CCSER1: variants seen among roughly 807,000 people sequenced by gnomAD.
CCSER1 encodes the protein coiled-coil serine rich protein 1, also known as serine-rich coiled-coil domain-containing protein 1.
A neutral mutation model predicts 82.0 loss-of-function variants in CCSER1; 41 were observed. That is an observed-to-expected ratio of 0.50 (90% CI 0.39 to 0.65). The LOEUF (loss-of-function observed/expected upper bound fraction) is 0.65, where lower values mean the gene tolerates loss of function less well. Ranked by LOEUF, CCSER1 falls within the 30% of genes least tolerant of loss-of-function variation. CCSER1 has a pLI of 0.00. For missense variants in CCSER1, 1,119 were observed against 1,064.2 expected (o/e 1.05, Z -0.72); for synonymous variants, 414 against 383.9 (o/e 1.08, Z -0.92).
At chr4:90,806,847 C>T (rs73833872) in intron 7 of CCSER1, among the ~76,000 whole-genome samples, 2,122 of 151,114 alleles carry the variant, frequency 0.014, 51 homozygotes, top group African/African-American at 0.049. Context: ...CTGTCCCCTA[C>T]TCAATCCTGA....
intron 6 of CCSER1, among the ~76,000 whole-genome samples, chr4:90,671,608 C>T (rs976844438): frequency 4.6e-5 from 7 of 151,976 alleles, no homozygotes; most frequent in African/African-American, 1.7e-4. Context: ...AGTCTTGAAC[C>T]TTTCAAAGTC....
In CCSER1 at chr4:90,616,683, TCACACACACACACA is replaced by T. The variant is rs56988615; in HGVS notation, c.1725-11299_1725-11286del. Among the ~76,000 whole-genome samples the T allele has an allele frequency of 6.0e-3, 720 of 120,372 alleles. 4 individuals carry two copies. The highest frequency in any genetic ancestry group is 0.017 in the East Asian group (70 of 4,112). 79.0% of individuals were successfully genotyped at this position (120,372 alleles called of 152,430 possible). On this transcript the variant is annotated intron_variant, in intron 5 of 10. Coordinates refer to ENST00000509176, the MANE Select transcript of CCSER1 (RefSeq NM_001145065.2). ...CTGGGCCACAGAGTGTGGCTCTGTCTCACACACACACACACACACACACACACACACACACACAC... is the reference window on the plus strand; with the variant it reads ...CTGGGCCACAGAGTGTGGCTCTGTCTCACACACACACACACACACACACAC...
At chr4:90,747,572 C>T (rs1297849216) in intron 7 of CCSER1, among the ~76,000 whole-genome samples, 1 of 151,440 alleles carries the variant, frequency 6.6e-6, no homozygotes, top group Non-Finnish European at 1.5e-5. Context: ...TACCTGTTTT[C>T]AGTAGGATAT....
intron 3 of CCSER1, among the ~76,000 whole-genome samples, chr4:90,315,647 G>A (rs1024361354): frequency 6.6e-6 from 1 of 152,048 alleles, no homozygotes; most frequent in African/African-American, 2.4e-5. Context: ...GGGACCACAA[G>A]TGTGTGCCAC....
At chr4:90,898,698 T>C (rs559849854) in intron 8 of CCSER1, among the ~76,000 whole-genome samples, 11 of 152,170 alleles carry the variant, frequency 7.2e-5, no homozygotes, top group African/African-American at 2.4e-4. Context: ...ATTTATTGAA[T>C]AAGGAGTACT....
chr4:91,054,711 T>G (rs1461590), intron 9 of CCSER1, among the ~76,000 whole-genome samples: 65,507 of 150,372 alleles, frequency 0.44, 14,544 homozygotes, highest in East Asian at 0.68. Flanking sequence ...GATTTTTTTT[T>G]GGGGCGGTGG....
At chr4:90,891,683 C>G (rs1357906010) in intron 8 of CCSER1, among the ~76,000 whole-genome samples, 4 of 151,986 alleles carry the variant, frequency 2.6e-5, no homozygotes, top group South Asian at 2.1e-4. Context: ...AGCACAACCA[C>G]TATATCTGGC....
intron 1 of CCSER1, among the ~76,000 whole-genome samples, chr4:90,254,978 A>AACACACACAC (rs142987718): frequency 1.3e-4 from 18 of 142,928 alleles, no homozygotes; most frequent in African/African-American, 2.8e-4. Flanking sequence ...CATATATATC[A>AACACACACAC]ACACACACAC....
At chr4:91,233,665 G>A (rs572641118) in intron 10 of CCSER1, among the ~76,000 whole-genome samples, 37 of 151,814 alleles carry the variant, frequency 2.4e-4, no homozygotes, top group Non-Finnish European at 4.7e-4. Flanking sequence ...TTTTATTCAA[G>A]TAGTAAAATA....
Position 91,524,159 on chromosome 4 carries a change from C to G in CCSER1, c.2218-74413C>G, listed in dbSNP as rs142688832. Among the ~76,000 whole-genome samples the G allele has an allele frequency of 2.3e-3, 347 of 152,286 alleles. 1 individual carries two copies. The highest frequency in any genetic ancestry group is 7.9e-3 in the African/African-American group (330 of 41,560). ...AGTTTCACCTCAAGGTCATATGTCTCTTAAATTGTGAAATGTTTCCACTAC... is the reference window on the plus strand; with the variant it reads ...AGTTTCACCTCAAGGTCATATGTCTGTTAAATTGTGAAATGTTTCCACTAC... On this transcript the variant is annotated intron_variant, in intron 10 of 10. Coordinates refer to ENST00000509176, the MANE Select transcript of CCSER1 (RefSeq NM_001145065.2).
chr4:90,407,587 T>C (rs1218629572), intron 4 of CCSER1, among the ~76,000 whole-genome samples: 2 of 152,126 alleles, frequency 1.3e-5, no homozygotes, highest in Non-Finnish European at 2.9e-5. Flanking sequence ...TGAACATAGA[T>C]GCAAAAATTC....
chr4:90,420,864 C>T (rs1477884083), intron 4 of CCSER1, among the ~76,000 whole-genome samples: 1 of 152,030 alleles, frequency 6.6e-6, no homozygotes, highest in African/African-American at 2.4e-5. Flanking sequence ...GTATTTCATT[C>T]GGCATGGTTT....
chr4:91,050,354 C>G (rs1399628295), intron 9 of CCSER1, among the ~76,000 whole-genome samples: 2 of 151,076 alleles, frequency 1.3e-5, no homozygotes, highest in African/African-American at 2.4e-5. Context: ...TCTCTTGAAC[C>G]TGAGAGGCAC....
chr4:91,210,395 A>G (rs1048651346), intron 10 of CCSER1, among the ~76,000 whole-genome samples: 3 of 151,548 alleles, frequency 2.0e-5, no homozygotes, highest in African/African-American at 7.3e-5. Context: ...GCTTTAAAGT[A>G]TCTCCCAATA....
intron 10 of CCSER1, among the ~76,000 whole-genome samples, chr4:91,232,720 C>T (rs1235995035): frequency 1.3e-5 from 2 of 151,532 alleles, no homozygotes; most frequent in East Asian, 1.9e-4. Flanking sequence ...TGTATAAAGA[C>T]AAAATTTTAA....
intron 1 of CCSER1, among the ~76,000 whole-genome samples, chr4:90,230,197 C>A (rs986587013): frequency 3.9e-5 from 6 of 152,012 alleles, no homozygotes; most frequent in Non-Finnish European, 7.4e-5. Flanking sequence ...CACACCTATT[C>A]CAAAATTGAC....
At chr4:91,013,280 T>C (rs1739146918) in intron 9 of CCSER1, among the ~76,000 whole-genome samples, 1 of 133,854 alleles carries the variant, frequency 7.5e-6, no homozygotes, top group African/African-American at 2.5e-5. Flanking sequence ...TTTTCTTTTG[T>C]ATGTAAATAT....
At chr4:90,846,718 C>T (rs1482103300) in intron 8 of CCSER1, among the ~76,000 whole-genome samples, 2 of 132,066 alleles carry the variant, frequency 1.5e-5, no homozygotes, top group Admixed American at 1.5e-4. Flanking sequence ...CCGTCTTCAT[C>T]TCTCCTGCCA....
At chr4:90,940,228 T>A (rs971438895) in intron 9 of CCSER1, among the ~76,000 whole-genome samples, 2 of 152,064 alleles carry the variant, frequency 1.3e-5, no homozygotes, top group African/African-American at 4.8e-5. Flanking sequence ...TAGGTACAAT[T>A]TTATGATTTC....
Sources: gnomAD v4.1 joint callset for allele counts (sites outside exome capture counted in the v4.1 genomes callset) on GRCh38, gnomAD v4.1.1 for gene constraint, MANE v1.5 for transcripts, NCBI Gene and HGNC (gene_info 2026-07-23, HGNC 2026-07-21) for gene names.